CHSY3: variants seen among roughly 807,000 people sequenced by gnomAD.
CHSY3 encodes chondroitin sulfate synthase 3.
A neutral mutation model predicts 67.2 loss-of-function variants in CHSY3; 35 were observed. That is an observed-to-expected ratio of 0.52 (90% CI 0.40 to 0.69). The LOEUF (loss-of-function observed/expected upper bound fraction) is 0.69. Among genes scored for constraint, CHSY3 ranks in the 30% least tolerant of loss-of-function variants. CHSY3 has a pLI of 0.00. For synonymous variants in CHSY3, 474 were observed against 434.7 expected (o/e 1.09, Z -1.12); for missense variants, 1,069 against 1,138.5 (o/e 0.94, Z 0.88).
At chr5:130,020,450 TA>T (rs1561500475) in intron 2 of CHSY3, among the ~76,000 whole-genome samples, 135 of 4,108 alleles carry the variant, frequency 0.033, no homozygotes, top group African/African-American at 0.08. Flanking sequence ...TATATATATA[TA>T]TATATATATA....
At chr5:130,051,713 A>T (rs77458062) in intron 2 of CHSY3, among the ~76,000 whole-genome samples, 1 of 152,118 alleles carries the variant, frequency 6.6e-6, no homozygotes, top group Non-Finnish European at 1.5e-5. Flanking sequence ...AGGTGTATTC[A>T]GGGGACAGAG....
rs1302029797 is a variant in CHSY3, at chr5:130,184,837, G to A, written c.1695G>A (p.Gln565=). Reference sequence around the variant, plus strand: ...TGAGACGTCATGCCTATCTTCAGCAGTTGTTCAGCAAGCCTTTCTTCAGAG... The same window carrying A: ...TGAGACGTCATGCCTATCTTCAGCAATTGTTCAGCAAGCCTTTCTTCAGAG... ...VPVRRHAYLQ[Q]LFSKPFFRET... The change falls in exon 3 of 3, where the codon CAG becomes CAA. Residue 565 remains glutamine, a synonymous_variant. Transcript: ENST00000305031. 7 of 1,610,286 alleles carry A rather than the reference G, an allele frequency of 4.3e-6. No homozygotes were observed. The highest frequency in any genetic ancestry group is 5.9e-6 in the Non-Finnish European group (7 of 1,176,610).
rs566387692 is a variant in CHSY3, at chr5:130,121,946, C to G, written c.1087-62283C>G. On this transcript the variant is annotated intron_variant, in intron 2 of 2. Coordinates refer to ENST00000305031, the MANE Select transcript of CHSY3 (RefSeq NM_175856.5). ...CCTGGACATGTCCGTCTGGGCTCAGCACCCTCAGCTGCACAGTTCACCAAT... is the reference window on the plus strand; with the variant it reads ...CCTGGACATGTCCGTCTGGGCTCAGGACCCTCAGCTGCACAGTTCACCAAT... 1.5e-4 allele frequency among the ~76,000 whole-genome samples: 23 copies of G among 152,118 alleles called. 1 individual carries two copies. The highest frequency in any genetic ancestry group is 7.2e-4 in the Admixed American group (11 of 15,276).
chr5:129,987,225 T>G (rs1225687623), intron 2 of CHSY3, among the ~76,000 whole-genome samples: 1 of 152,180 alleles, frequency 6.6e-6, no homozygotes, highest in African/African-American at 2.4e-5. Context: ...TGTTCATCAG[T>G]TTGTTCATAA....
At chr5:129,952,825 G>A (rs138175553) in intron 2 of CHSY3, among the ~76,000 whole-genome samples, 340 of 152,274 alleles carry the variant, frequency 2.2e-3, no homozygotes, top group African/African-American at 7.2e-3. Context: ...GCCAGGCAGT[G>A]GGATGGATAT....
intron 2 of CHSY3, among the ~76,000 whole-genome samples, chr5:130,128,674 A>C (rs750884124): frequency 6.6e-6 from 1 of 152,174 alleles, no homozygotes; most frequent in South Asian, 2.1e-4. Flanking sequence ...TTAACACAAA[A>C]AATGATAATA....
intron 2 of CHSY3, among the ~76,000 whole-genome samples, chr5:130,113,615 G>T (rs549846715): frequency 6.6e-6 from 1 of 152,240 alleles, no homozygotes; most frequent in South Asian, 2.1e-4. Flanking sequence ...CACTCCTATT[G>T]CATGATTCCT....
chr5:130,076,066 T>C (rs2149684136), intron 2 of CHSY3, among the ~76,000 whole-genome samples: 1 of 152,256 alleles, frequency 6.6e-6, no homozygotes, highest in East Asian at 1.9e-4. Flanking sequence ...GCCTTTCTGG[T>C]CCAAGCCTTG....
intron 2 of CHSY3, among the ~76,000 whole-genome samples, chr5:130,100,538 G>T (rs982820253): frequency 1.3e-5 from 2 of 152,066 alleles, no homozygotes; most frequent in Non-Finnish European, 2.9e-5. Context: ...ATTGTCAGCA[G>T]ATTATTGATT....
In CHSY3 at chr5:130,178,199, ATT is replaced by A. The variant is rs1491426211; in HGVS notation, c.1087-6028_1087-6027del. Among the ~76,000 whole-genome samples, 8 of 109,520 alleles carry A rather than the reference ATT, an allele frequency of 7.3e-5. 1 individual carries two copies. Among genetic ancestry groups the A allele is most frequent in the South Asian group, 5.6e-4 (2 of 3,594 alleles). 71.8% of individuals were successfully genotyped at this position (109,520 alleles called of 152,430 possible). ...TATATGTGTGTGTGTATATATATAT[ATT>A]TATATATATATGTATATATTTATAT... On this transcript the variant is annotated intron_variant, in intron 2 of 2. Coordinates refer to ENST00000305031, the MANE Select transcript of CHSY3 (RefSeq NM_175856.5).
chr5:130,035,842 G>A (rs1764845150), intron 2 of CHSY3, among the ~76,000 whole-genome samples: 1 of 150,460 alleles, frequency 6.6e-6, no homozygotes, highest in Admixed American at 6.6e-5. Context: ...GCATTCCCAG[G>A]GTAATTCTAG....
intron 2 of CHSY3, among the ~76,000 whole-genome samples, chr5:130,075,534 G>C (rs1049834907): frequency 3.3e-5 from 5 of 151,944 alleles, no homozygotes; most frequent in African/African-American, 4.8e-5. Context: ...TTTTCAAGTG[G>C]CTGTTACACA....
intron 2 of CHSY3, among the ~76,000 whole-genome samples, chr5:129,936,315 A>AT (rs988553618): frequency 1.3e-5 from 2 of 152,128 alleles, no homozygotes; most frequent in East Asian, 1.9e-4. Context: ...ATAGAAGGGA[A>AT]TTTTTTTTAA....
chr5:130,147,894 T>C (rs1050766185), intron 2 of CHSY3, among the ~76,000 whole-genome samples: 1 of 152,140 alleles, frequency 6.6e-6, no homozygotes, highest in Admixed American at 6.6e-5. Flanking sequence ...CATGTGCAGG[T>C]TTGTTACACA....
In CHSY3 at chr5:129,983,672, C is replaced by G. The variant is rs114591475; in HGVS notation, c.1086+75312C>G. Among the ~76,000 whole-genome samples the G allele has an allele frequency of 9.5e-3, 1,447 of 152,056 alleles. 21 individuals are homozygous for G. The highest frequency in any genetic ancestry group is 0.033 in the African/African-American group (1,356 of 41,502). On this transcript the variant is annotated intron_variant, in intron 2 of 2. Coordinates refer to ENST00000305031, the MANE Select transcript of CHSY3 (RefSeq NM_175856.5). ...ACTAATGACAGAACTATGAAAACTG[C>G]CTTTAGGATGCTCAGGTACATACAA...
At chr5:130,134,690 T>C (rs1768601158) in intron 2 of CHSY3, among the ~76,000 whole-genome samples, 1 of 152,194 alleles carries the variant, frequency 6.6e-6, no homozygotes, top group Non-Finnish European at 1.5e-5. Flanking sequence ...TTTTTTAATG[T>C]AGTTTTGTTT....
intron 2 of CHSY3, among the ~76,000 whole-genome samples, chr5:130,177,380 G>A (rs1291150462): frequency 6.6e-6 from 1 of 151,702 alleles, no homozygotes; most frequent in African/African-American, 2.4e-5. Flanking sequence ...GTTCCTGTTT[G>A]CACCATGTTT....
intron 2 of CHSY3, among the ~76,000 whole-genome samples, chr5:129,909,908 A>T (rs1356725538): frequency 6.6e-6 from 1 of 151,994 alleles, no homozygotes; most frequent in Non-Finnish European, 1.5e-5. Flanking sequence ...TTTATAGGAT[A>T]CTTTATTACC....
At chr5:130,036,837 T>A (rs1430174708) in intron 2 of CHSY3, among the ~76,000 whole-genome samples, 2 of 152,100 alleles carry the variant, frequency 1.3e-5, no homozygotes, top group African/African-American at 4.8e-5. Flanking sequence ...ATCCTAAATG[T>A]TAAAGATAGA....
Sources: gnomAD v4.1 joint callset for allele counts (sites outside exome capture counted in the v4.1 genomes callset) on GRCh38, gnomAD v4.1.1 for gene constraint, MANE v1.5 for transcripts, NCBI Gene and HGNC (gene_info 2026-07-23, HGNC 2026-07-21) for gene names.